Variants in CSMD1 observed in about 807,000 individuals in gnomAD.
The protein encoded by CSMD1 is CUB and sushi domain-containing protein 1.
CSMD1 carries 213 observed loss-of-function variants against 417.5 expected under a neutral mutation model. The ratio of observed to expected loss-of-function variants is 0.51; its 90% CI spans 0.46 to 0.57. The LOEUF (loss-of-function observed/expected upper bound fraction) is 0.57, where lower values mean the gene tolerates loss of function less well. Among genes scored for constraint, CSMD1 ranks in the 20% least tolerant of loss-of-function variants. The pLI, the probability that CSMD1 is intolerant of heterozygous loss-of-function variation, is 0.00. For synonymous variants in CSMD1, 2,862 were observed against 1,736.8 expected, an observed-to-expected ratio of 1.65 and a Z score of -16.11; for missense variants, 6,923 against 4,529.7, an observed-to-expected ratio of 1.53 and a Z score of -15.17.
At chr8:3,290,923 T>G (rs1299881461) in intron 25 of CSMD1, among the ~76,000 whole-genome samples, 2 of 152,208 alleles carry the variant, frequency 1.3e-5, no homozygotes, top group African/African-American at 2.4e-5. Context: ...AGGGAATGCT[T>G]CCAGTTTTTC....
intron 1 of CSMD1, among the ~76,000 whole-genome samples, chr8:4,734,402 T>G (rs1810092593): frequency 6.6e-6 from 1 of 152,190 alleles, no homozygotes; most frequent in Admixed American, 6.5e-5. Context: ...AATTTTTCTT[T>G]TGTTTAGTGA....
chr8:4,766,685 G>T (rs1211596139), intron 1 of CSMD1, among the ~76,000 whole-genome samples: 2 of 152,194 alleles, frequency 1.3e-5, no homozygotes, highest in Admixed American at 6.5e-5. Flanking sequence ...GCTCCTGAGG[G>T]AATGAACTCC....
At chr8:3,224,311 C>T (rs542715322) in intron 27 of CSMD1, among the ~76,000 whole-genome samples, 59 of 152,236 alleles carry the variant, frequency 3.9e-4, no homozygotes, top group Non-Finnish European at 6.0e-4. Context: ...AAAATCATTG[C>T]CTATTTCTTC....
intron 3 of CSMD1, among the ~76,000 whole-genome samples, chr8:4,089,718 T>C (rs1437552955): frequency 6.6e-6 from 1 of 152,168 alleles, no homozygotes; most frequent in East Asian, 1.9e-4. Flanking sequence ...TAGCTCAAGA[T>C]TATTTTAATT....
intron 1 of CSMD1, among the ~76,000 whole-genome samples, chr8:4,876,238 T>C (rs1002406861): frequency 6.6e-5 from 10 of 152,198 alleles, no homozygotes; most frequent in African/African-American, 2.4e-4. Flanking sequence ...AGTAATCTGC[T>C]ACTGTGGTAT....
intron 2 of CSMD1, among the ~76,000 whole-genome samples, chr8:4,523,665 C>T (rs1442552429): frequency 6.6e-6 from 1 of 152,124 alleles, no homozygotes; most frequent in African/African-American, 2.4e-5. Context: ...AACTCTAATC[C>T]AGGTCTACTA....
intron 3 of CSMD1, among the ~76,000 whole-genome samples, chr8:4,070,505 C>G (rs1260764616): frequency 6.6e-6 from 1 of 152,116 alleles, no homozygotes; most frequent in African/African-American, 2.4e-5. Context: ...CTACAGGCGC[C>G]CGCCACCACG....
chr8:3,567,197 T>C (rs1035048099), intron 10 of CSMD1, among the ~76,000 whole-genome samples: 1 of 151,968 alleles, frequency 6.6e-6, no homozygotes, highest in Non-Finnish European at 1.5e-5. Context: ...ATGTTCTCAC[T>C]TCTAGGTGGG....
At chr8:4,189,796 G>T (rs930371943) in intron 3 of CSMD1, among the ~76,000 whole-genome samples, 1 of 152,046 alleles carries the variant, frequency 6.6e-6, no homozygotes, top group African/African-American at 2.4e-5. Flanking sequence ...ATTTTATCTT[G>T]TTGCCATATA....
At chr8:4,823,889 G>C (rs1045935834) in intron 1 of CSMD1, among the ~76,000 whole-genome samples, 1 of 152,022 alleles carries the variant, frequency 6.6e-6, no homozygotes, top group African/African-American at 2.4e-5. Context: ...AACTTTGAGA[G>C]AGAAATACTC....
intron 10 of CSMD1, among the ~76,000 whole-genome samples, chr8:3,553,783 G>A (rs1245449253): frequency 2.0e-5 from 3 of 152,144 alleles, no homozygotes; most frequent in Admixed American, 6.5e-5. Flanking sequence ...GTTTTATTAA[G>A]TGAAAAATAG....
intron 3 of CSMD1, among the ~76,000 whole-genome samples, chr8:4,358,966 GCACA>G (rs10545077): frequency 6.6e-5 from 10 of 151,148 alleles, no homozygotes; most frequent in East Asian, 2.0e-4. Flanking sequence ...AGAGTCTTGT[GCACA>G]CACACACACA....
intron 1 of CSMD1, among the ~76,000 whole-genome samples, chr8:4,873,699 A>C (rs927251387): frequency 6.6e-6 from 1 of 152,138 alleles, no homozygotes; most frequent in Non-Finnish European, 1.5e-5. Flanking sequence ...TAGAGAACTA[A>C]TCAAACTAAA....
intron 3 of CSMD1, among the ~76,000 whole-genome samples, chr8:4,354,468 A>C (rs1801282372): frequency 6.6e-6 from 1 of 152,156 alleles, no homozygotes; most frequent in Non-Finnish European, 1.5e-5. Context: ...TAAAATTATA[A>C]TACATGGGGT....
At chr8:3,886,182 T>G (rs10113221) in intron 5 of CSMD1, among the ~76,000 whole-genome samples, 12,244 of 152,058 alleles carry the variant, frequency 0.081, 918 homozygotes, top group African/African-American at 0.2. Flanking sequence ...CTTGAGTAGG[T>G]GGGATTACAG....
intron 3 of CSMD1, among the ~76,000 whole-genome samples, chr8:4,133,349 G>C (rs1803226288): frequency 1.3e-5 from 2 of 152,196 alleles, no homozygotes; most frequent in Non-Finnish European, 1.5e-5. Flanking sequence ...AGCATGGTAA[G>C]CACTTCACAA....
intron 10 of CSMD1, among the ~76,000 whole-genome samples, chr8:3,553,959 C>T (rs931659583): frequency 6.6e-6 from 1 of 152,060 alleles, no homozygotes; most frequent in Non-Finnish European, 1.5e-5. Flanking sequence ...GTAATTTGTA[C>T]ATTAGGTGAT....
At chr8:4,738,917 G>GTGTGTGTGTGTGTGTA (rs1388075491) in intron 1 of CSMD1, among the ~76,000 whole-genome samples, 1 of 151,998 alleles carries the variant, frequency 6.6e-6, no homozygotes, top group Non-Finnish European at 1.5e-5. Flanking sequence ...GTGTGTGTGT[G>GTGTGTGTGTGTGTGTA]TGTGTATGTG....
At chr8:3,936,588 G>A (rs74738542) in intron 5 of CSMD1, among the ~76,000 whole-genome samples, 22,844 of 152,106 alleles carry the variant, frequency 0.15, 2,265 homozygotes, top group East Asian at 0.26. Context: ...TTTATAGCAT[G>A]GTTTACTGAA....
Sources: gnomAD v4.1 joint callset for allele counts (sites outside exome capture counted in the v4.1 genomes callset) on GRCh38, gnomAD v4.1.1 for gene constraint, MANE v1.5 for transcripts, NCBI Gene and HGNC (gene_info 2026-07-23, HGNC 2026-07-21) for gene names.